Variants in NAALADL2 observed in about 807,000 individuals in gnomAD.
The protein encoded by NAALADL2 is inactive N-acetylated-alpha-linked acidic dipeptidase-like protein 2.
A neutral mutation model predicts 87.2 loss-of-function variants in NAALADL2; 76 were observed. The observed-to-expected ratio is 0.87, with a 90% CI of 0.72 to 1.05. The LOEUF (loss-of-function observed/expected upper bound fraction) is 1.05. NAALADL2 is among the 50% of genes least tolerant of loss of function. The pLI, the probability that NAALADL2 is intolerant of heterozygous loss-of-function variation, is 0.00. For missense variants in NAALADL2, 1,089 were observed against 945.8 expected (o/e 1.15, Z -1.99); for synonymous variants, 354 against 331.0 (o/e 1.07, Z -0.75).
chr3:175,423,028 A>AAAAAATATATAT (rs1438736874), intron 5 of NAALADL2, among the ~76,000 whole-genome samples: 6 of 111,294 alleles, frequency 5.4e-5, no homozygotes, highest in South Asian at 2.7e-4. Context: ...GAAAAAAAAA[A>AAAAAATATATAT]ATATATATAT....
chr3:175,793,297 C>G (rs1202099285), intron 13 of NAALADL2, among the ~76,000 whole-genome samples: 1 of 146,964 alleles, frequency 6.8e-6, no homozygotes, highest in Non-Finnish European at 1.5e-5. Context: ...AACAAAACAG[C>G]ATTTTCTTTC....
chr3:174,705,402 C>T (rs867009758), intron 2 of NAALADL2, among the ~76,000 whole-genome samples: 29 of 152,298 alleles, frequency 1.9e-4, no homozygotes, highest in Middle Eastern at 6.8e-3. Flanking sequence ...TGTCCTGTGA[C>T]ATATCTCAGT....
chr3:175,466,956 C>T (rs1192276801), intron 7 of NAALADL2, 23 bp from the exon 8 acceptor site: 1 of 1,559,672 alleles, frequency 6.4e-7, no homozygotes, highest in Non-Finnish European at 8.8e-7. Context: ...TTTTAAATGG[C>T]TCTTGTCCCT....
At chr3:175,352,168 ATTT>A (rs56305727) in intron 5 of NAALADL2, among the ~76,000 whole-genome samples, 8 of 146,908 alleles carry the variant, frequency 5.4e-5, no homozygotes, top group Admixed American at 2.0e-4. Context: ...ACTGGCTTGG[ATTT>A]TTTTTTTTTT....
chr3:175,611,543 T>C (rs536907385), intron 10 of NAALADL2, among the ~76,000 whole-genome samples: 24 of 152,210 alleles, frequency 1.6e-4, no homozygotes, highest in African/African-American at 5.1e-4. Flanking sequence ...TAATGTTCAA[T>C]TGAAGTTTAA....
chr3:175,463,542 A>G (rs1380185674), intron 7 of NAALADL2, 49 bp downstream of exon 7: 1 of 980,174 alleles, frequency 1.0e-6, no homozygotes, highest in Non-Finnish European at 1.5e-6. Context: ...GAAACTATAC[A>G]AGGAAATGCT....
chr3:174,898,070 G>A lies in NAALADL2; in HGVS notation c.43+38620G>A, dbSNP rs561383853. Among the ~76,000 whole-genome samples, 17 of 96,398 alleles carry A rather than the reference G, an allele frequency of 1.8e-4. No homozygotes were observed. In the East Asian group the frequency reaches 5.7e-3, roughly 32 times the overall value. The allele number at this position is 96,398 out of a possible 152,430, so 63.2% of individuals were successfully genotyped here. A position where few individuals can be genotyped will look rare whatever the true frequency, so the allele number is the denominator to read the frequency against. On this transcript the variant is annotated intron_variant, in intron 1 of 13. Transcript: ENST00000454872. ...GGAGCTTGCAGTGAGCCGAGATCCC[G>A]CCACTGCACTCCAGCCTGGGTGACA...
At chr3:175,581,126 C>T (rs1188894479) in intron 10 of NAALADL2, 12 of 393,952 alleles carry the variant, frequency 3.0e-5, no homozygotes, top group Non-Finnish European at 6.3e-5. Context: ...TGTTATCTTA[C>T]AGTTTCAAAA....
intron 3 of NAALADL2, among the ~76,000 whole-genome samples, chr3:174,811,595 G>GT (rs1720218664): frequency 6.6e-6 from 1 of 152,144 alleles, no homozygotes; most frequent in African/African-American, 2.4e-5. Flanking sequence ...TAACTAAATT[G>GT]TTTTTTATTT....
chr3:174,759,261 GT>G (rs1443894424), intron 3 of NAALADL2, among the ~76,000 whole-genome samples: 1 of 152,146 alleles, frequency 6.6e-6, no homozygotes, highest in East Asian at 1.9e-4. Flanking sequence ...TGATTCAGAT[GT>G]TTTAAATGGA....
At chr3:175,431,622 G>T (rs879450042) in intron 5 of NAALADL2, among the ~76,000 whole-genome samples, 2 of 151,926 alleles carry the variant, frequency 1.3e-5, no homozygotes, top group Non-Finnish European at 2.9e-5. Flanking sequence ...CAGCCAATGG[G>T]ATTCACAGTA....
intron 9 of NAALADL2, among the ~76,000 whole-genome samples, chr3:175,506,354 G>A (rs1205330941): frequency 6.6e-6 from 1 of 152,098 alleles, no homozygotes; most frequent in Non-Finnish European, 1.5e-5. Flanking sequence ...TCTTATAACG[G>A]ATGAAAACCT....
intron 6 of NAALADL2, among the ~76,000 whole-genome samples, chr3:175,454,781 T>G (rs1400004186): frequency 1.3e-5 from 2 of 152,092 alleles, no homozygotes; most frequent in African/African-American, 4.8e-5. Context: ...CCCACCATAT[T>G]TTTAGTAAGC....
Position 174,463,749 on chromosome 3 carries a change from C to T in NAALADL2, c.-184+22717C>T, listed in dbSNP as rs569396071. Among the ~76,000 whole-genome samples, 11 of 151,876 alleles carry T rather than the reference C, an allele frequency of 7.2e-5. No individual in the cohort carries two copies. The South Asian group carries it at 2.3e-3, about 32-fold the overall frequency. On this transcript the variant is annotated intron_variant, in intron 1 of 3. Coordinates refer to the NAALADL2 transcript ENST00000434257. The stretch of plus-strand genomic sequence containing the variant: ...CCGAGTAGCTGGGACTACAGGCGCC[C>T]ACCACCACGCCTGGCTAATTTTTTG...
At chr3:174,524,836 G>A (rs756393317) in intron 1 of NAALADL2, among the ~76,000 whole-genome samples, 6 of 152,134 alleles carry the variant, frequency 3.9e-5, no homozygotes, top group East Asian at 1.9e-4. Flanking sequence ...CACCATGCGC[G>A]GCCTATAAGA....
chr3:174,801,925 T>C (rs909790022), intron 3 of NAALADL2, among the ~76,000 whole-genome samples: 5 of 152,048 alleles, frequency 3.3e-5, no homozygotes, highest in Non-Finnish European at 7.4e-5. Context: ...GTGATTTGTG[T>C]TTCCAAAATT....
chr3:175,733,796 C>A (rs1482977926), intron 11 of NAALADL2, among the ~76,000 whole-genome samples: 2 of 152,180 alleles, frequency 1.3e-5, no homozygotes, highest in South Asian at 2.1e-4. Flanking sequence ...ACAGCCATTA[C>A]AAATGGGAGA....
chr3:174,967,428 A>G (rs1406743677), intron 1 of NAALADL2, among the ~76,000 whole-genome samples: 1 of 151,486 alleles, frequency 6.6e-6, no homozygotes, highest in Non-Finnish European at 1.5e-5. Context: ...TTAACTCTGT[A>G]TGTACTCTCA....
intron 6 of NAALADL2, among the ~76,000 whole-genome samples, chr3:175,454,150 G>A (rs1721983677): frequency 6.6e-6 from 1 of 151,980 alleles, no homozygotes; most frequent in East Asian, 1.9e-4. Context: ...TTTAATAGGA[G>A]CATTTGGTCC....
Sources: allele counts gnomAD v4.1 joint callset (sites outside exome capture counted in the v4.1 genomes callset), GRCh38; gene constraint gnomAD v4.1.1; transcripts MANE v1.5; gene names NCBI Gene and HGNC (gene_info 2026-07-23, HGNC 2026-07-21).